The following IDI1 variants were observed in gnomAD, a reference collection of about 807,000 sequenced individuals.
The protein encoded by IDI1 is isopentenyl-diphosphate Delta-isomerase 1.
A neutral mutation model predicts 32.9 loss-of-function variants in IDI1; 23 were observed. The ratio of observed to expected loss-of-function variants is 0.70; its 90% CI spans 0.50 to 0.99. The LOEUF (loss-of-function observed/expected upper bound fraction) is 0.99. Ranked by LOEUF, IDI1 falls within the 50% of genes least tolerant of loss-of-function variation. The pLI, the probability that IDI1 is intolerant of heterozygous loss-of-function variation, is 0.00. For synonymous variants in IDI1, 133 were observed against 128.2 expected (o/e 1.04, Z -0.25); for missense variants, 326 against 351.9 (o/e 0.93, Z 0.59).
upstream of IDI1, among the ~76,000 whole-genome samples, chr10:1,051,726 G>A (rs1833018578): frequency 6.6e-6 from 1 of 152,338 alleles, no homozygotes; most frequent in African/African-American, 2.4e-5. Flanking sequence ...CTTTTTGCTG[G>A]TGGAGGGTTT....
chr10:1,052,952 T>C (rs1181188730), upstream of IDI1, among the ~76,000 whole-genome samples: 1 of 152,242 alleles, frequency 6.6e-6, no homozygotes, highest in Non-Finnish European at 1.5e-5. Context: ...CAAAGCCGTC[T>C]TCATCAGTGA....
chr10:1,056,318 G>C, the IDI1 span: 1 of 152,250 alleles, frequency 6.6e-6, no homozygotes, highest in Non-Finnish European at 1.5e-5. Context: ...CCTTTCGCAG[G>C]GAACAGCTGA....
chr10:1,053,276 A>G (rs1346230719), upstream of IDI1, among the ~76,000 whole-genome samples: 4 of 152,270 alleles, frequency 2.6e-5, no homozygotes, highest in Non-Finnish European at 5.9e-5. Context: ...TGCTGGAATT[A>G]CAGGCATAAG....
At chr10:1,052,147 A>G (rs1833030175), upstream of IDI1, among the ~76,000 whole-genome samples, 1 of 152,248 alleles carries the variant, frequency 6.6e-6, no homozygotes, top group Non-Finnish European at 1.5e-5. Flanking sequence ...CTGGGATTAT[A>G]GGCATGAGCC....
At chr10:1,049,375 G>C (rs1015800879), upstream of IDI1, among the ~76,000 whole-genome samples, 1 of 152,052 alleles carries the variant, frequency 6.6e-6, no homozygotes, top group Non-Finnish European at 1.5e-5. Context: ...CCGGAAGCTC[G>C]GCGTCCCATG....
intron 1 of IDI1, among the ~76,000 whole-genome samples, chr10:1,045,866 G>GGTGTGTGTGT (rs10598743): frequency 0.012 from 1,743 of 151,048 alleles, 12 homozygotes; most frequent in Middle Eastern, 0.027. Flanking sequence ...ATAGGGTCTG[G>GGTGTGTGTGT]GTGTGTGTGT....
upstream of IDI1, among the ~76,000 whole-genome samples, chr10:1,050,585 T>C (rs1832981177): frequency 6.6e-6 from 1 of 152,262 alleles, no homozygotes; most frequent in Non-Finnish European, 1.5e-5. Context: ...AATAAAAAGA[T>C]AATTATTACT....
Position 1,048,974 on chromosome 10 carries a change from C to T in IDI1, c.30G>A (p.Ala10=). The T allele has an allele frequency of 6.5e-7, 1 of 1,541,128 alleles. No homozygotes were observed. Among genetic ancestry groups the T allele is most frequent in the Non-Finnish European group, 8.7e-7 (1 of 1,148,408 alleles). Residue 10 remains alanine, a synonymous_variant, in exon 1 of 5, where the codon GCG becomes GCA. Transcript: ENST00000381344. ...CCCGCCCCCGGGCCGCGCAGCCAAT[C>T]GCTCGCGCCAGCGCCAGTCCACGCC... MWRGLALAR[A]IGCAARGRGQ...
chr10:1,056,125 G>A, the IDI1 span, among the ~76,000 whole-genome samples: 1 of 152,086 alleles, frequency 6.6e-6, no homozygotes. Flanking sequence ...CCTTTTTAAA[G>A]GAAGGAGCAG....
upstream of IDI1, among the ~76,000 whole-genome samples, chr10:1,052,954 C>T (rs1441863588): frequency 6.6e-6 from 1 of 152,178 alleles, no homozygotes; most frequent in African/African-American, 2.4e-5. Flanking sequence ...AAGCCGTCTT[C>T]ATCAGTGATC....
rs1316270489 is a variant in IDI1, at chr10:1,048,957, C to T, written c.47G>A (p.Arg16Gln). ...GCGCACCGCCCACTGGCCCCGCCCC[C>T]GGGCCGCGCAGCCAATCGCTCGCGC... ...ALARAIGCAA[R>Q]GRGQWAVRAA... Residue 16 changes from arginine to glutamine, a missense_variant, in exon 1 of 5, where the codon CGG (arginine) becomes CAG (glutamine). By Grantham distance (43) the Arg-to-Gln change is conservative (BLOSUM62 1). This residue lies in a region of IDI1 where 121 missense variants were observed against 78.4 expected (regional missense o/e 1.54). Coordinates refer to ENST00000381344, the MANE Select transcript of IDI1 (RefSeq NM_004508.4). 3 of 1,561,180 alleles carry T rather than the reference C, an allele frequency of 1.9e-6. No homozygotes were observed. The highest frequency in any genetic ancestry group is 1.8e-5 in the Admixed American group (1 of 54,094).
upstream of IDI1, among the ~76,000 whole-genome samples, chr10:1,051,891 G>C (rs1034060198): frequency 6.6e-5 from 10 of 151,776 alleles, no homozygotes; most frequent in African/African-American, 2.4e-4. Context: ...ACTTTTTTTT[G>C]AGACAGAGTC....
At position 1,040,965 on chromosome 10, in the gene IDI1, G is replaced by C. The variant is rs900043101; in HGVS notation, c.*222C>G. ...TTTACAATAATCTCTCACAAATGTC[G>C]CTTAGAAACAGAACACATATCCAGG... On this transcript the variant is annotated 3_prime_UTR_variant, in exon 5 of 5. Transcript: ENST00000381344. 5.0e-6 allele frequency: 2 copies of C among 400,822 alleles called. No individual in the cohort carries two copies. Among genetic ancestry groups the C allele is most frequent in the Non-Finnish European group, 4.4e-6 (1 of 225,416 alleles). The allele number at this position is 400,822 out of a possible 1,614,324, so 24.8% of individuals were successfully genotyped here.
At chr10:1,049,839 A>G (rs1437877188), upstream of IDI1, among the ~76,000 whole-genome samples, 3 of 152,140 alleles carry the variant, frequency 2.0e-5, no homozygotes, top group Non-Finnish European at 4.4e-5. Context: ...TTTTTAGTAG[A>G]GACGGGTTTC....
chr10:1,043,720 T>A, intron 2 of IDI1: 2 of 648,568 alleles, frequency 3.1e-6, no homozygotes, highest in Non-Finnish European at 5.7e-6. Flanking sequence ...TCTAGAAATA[T>A]TAGAGGCTAG....
At chr10:1,043,760 C>A in intron 2 of IDI1, 1 of 670,304 alleles carries the variant, frequency 1.5e-6, no homozygotes, top group Non-Finnish European at 2.7e-6. Context: ...GCTAGTCCCT[C>A]TTCTATGAAT....
chr10:1,040,308 T>C lies in IDI1; in HGVS notation c.*879A>G, dbSNP rs2131564988. 6.6e-6 allele frequency: 1 copy of C among 152,392 alleles called. No homozygotes were observed. Among genetic ancestry groups the C allele is most frequent in the Non-Finnish European group, 1.5e-5 (1 of 68,060 alleles). 9.4% of individuals were successfully genotyped at this position (152,392 alleles called of 1,614,324 possible). Reference sequence around the variant, plus strand: ...GTTGACTCTGTCCCCTAGGGGCATCTGGCAACATCCGGCATAACTGTGGGT... The same window carrying C: ...GTTGACTCTGTCCCCTAGGGGCATCCGGCAACATCCGGCATAACTGTGGGT... On this transcript the variant is annotated 3_prime_UTR_variant, in exon 5 of 5. Coordinates refer to ENST00000381344, the MANE Select transcript of IDI1 (RefSeq NM_004508.4).
chr10:1,043,542 A>G (rs765306133), intron 2 of IDI1, 149 bp from the exon 3 acceptor site: 5 of 707,090 alleles, frequency 7.1e-6, no homozygotes, highest in Non-Finnish European at 7.9e-6. Flanking sequence ...CTGCATGGCT[A>G]TGGTGAGGAA....
upstream of IDI1, among the ~76,000 whole-genome samples, chr10:1,050,415 T>C (rs1832974513): frequency 6.6e-6 from 1 of 151,860 alleles, no homozygotes; most frequent in Non-Finnish European, 1.5e-5. Flanking sequence ...AAACAACGTA[T>C]AGCAAAACCA....
Sources: allele counts gnomAD v4.1 joint callset (sites outside exome capture counted in the v4.1 genomes callset), GRCh38; gene constraint gnomAD v4.1.1; regional missense constraint gnomAD v4.1.1; transcripts MANE v1.5; gene names NCBI Gene and HGNC (gene_info 2026-07-23, HGNC 2026-07-21).